TMCC1: variants seen among roughly 807,000 people sequenced by gnomAD.
TMCC1 encodes transmembrane and coiled-coil domain family 1.
Under a neutral mutation model 52.4 loss-of-function variants are expected in TMCC1, and 15 were observed. The ratio of observed to expected loss-of-function variants is 0.29; its 90% CI spans 0.19 to 0.44. TMCC1 has a LOEUF of 0.44. Among genes scored for constraint, TMCC1 ranks in the 20% least tolerant of loss-of-function variants. The pLI is 1.00. For synonymous variants in TMCC1, 279 were observed against 301.9 expected (o/e 0.92, Z 0.79); for missense variants, 503 against 806.0 (o/e 0.62, Z 4.55).
Position 129,812,178 on chromosome 3 carries a change from C to T in TMCC1, c.576+15625G>A, listed in dbSNP as rs182083287. Among the ~76,000 whole-genome samples the T allele has an allele frequency of 4.6e-5, 7 of 151,688 alleles. No homozygotes were observed. The East Asian group carries it at 1.4e-3, about 29-fold the overall frequency. On this transcript the variant is annotated intron_variant, in intron 4 of 6. Transcript: ENST00000393238. ...CCAACACAGTGAAACTCCATCTCTG[C>T]TAAATATGCAAAAATTAGCTAGATG...
At chr3:129,838,569 A>G (rs2059271696) in intron 2 of TMCC1, among the ~76,000 whole-genome samples, 1 of 151,998 alleles carries the variant, frequency 6.6e-6, no homozygotes, top group African/African-American at 2.4e-5. Context: ...CCTGACCAAC[A>G]GGGTGAAACC....
At chr3:129,797,982 G>A (rs2056945736) in intron 4 of TMCC1, among the ~76,000 whole-genome samples, 1 of 126,206 alleles carries the variant, frequency 7.9e-6, no homozygotes, top group Non-Finnish European at 1.6e-5. Flanking sequence ...CCCGAGTTGT[G>A]TGCCTTTTTT....
chr3:129,651,837 A>G lies in TMCC1; in HGVS notation c.1648-42T>C, dbSNP rs201070667. ...GGAAGAGTTAAGCCTTCTGCTCACAAGTATTCTGAGATGCTGACATGCCCC... is the reference window on the plus strand; with the variant it reads ...GGAAGAGTTAAGCCTTCTGCTCACAGGTATTCTGAGATGCTGACATGCCCC... On this transcript the variant is annotated intron_variant, in intron 6 of 6. Coordinates refer to ENST00000393238, the MANE Select transcript of TMCC1 (RefSeq NM_001017395.5). The surrounding 1 kb of genome is among the most constrained non-coding windows in gnomAD (Gnocchi z 5.1). The G allele has an allele frequency of 2.7e-5, 43 of 1,574,560 alleles. No individual in the cohort carries two copies. In the East Asian group the frequency reaches 6.1e-4, roughly 22 times the overall value.
intron 4 of TMCC1, among the ~76,000 whole-genome samples, chr3:129,736,885 A>G (rs976030999): frequency 6.6e-6 from 1 of 151,948 alleles, no homozygotes; most frequent in Non-Finnish European, 1.5e-5. Context: ...AATATACTGG[A>G]AAAAAAACCA....
chr3:129,659,832 A>T (rs2108858612), intron 5 of TMCC1, among the ~76,000 whole-genome samples: 1 of 152,270 alleles, frequency 6.6e-6, no homozygotes. Flanking sequence ...CAGGTTTTGG[A>T]TTAAAATCCC....
intron 2 of TMCC1, among the ~76,000 whole-genome samples, chr3:129,843,517 TACCAATATCAGGAATG>T (rs200646918): frequency 1.3e-5 from 2 of 151,992 alleles, no homozygotes; most frequent in East Asian, 3.9e-4. Context: ...AGACATAAAT[TACCAATATCAGGAATG>T]AAGGAGAAAG....
chr3:129,666,753 AC>A (rs2087488738), intron 5 of TMCC1, among the ~76,000 whole-genome samples: 1 of 150,526 alleles, frequency 6.6e-6, no homozygotes, highest in African/African-American at 2.4e-5. Context: ...AAAACAAAGA[AC>A]AAAAAAACAA....
At chr3:129,731,022 G>C (rs962919862) in intron 4 of TMCC1, among the ~76,000 whole-genome samples, 1 of 152,190 alleles carries the variant, frequency 6.6e-6, no homozygotes, top group African/African-American at 2.4e-5. Context: ...GCATTATCCA[G>C]GAATTAAACC....
intron 2 of TMCC1, among the ~76,000 whole-genome samples, chr3:129,836,309 A>T (rs1308006590): frequency 6.6e-6 from 1 of 152,166 alleles, no homozygotes; most frequent in Non-Finnish European, 1.5e-5. Flanking sequence ...ACTCAAATAA[A>T]GGGAGAGGGT....
chr3:129,756,116 G>GA lies in TMCC1; in HGVS notation c.576+71686dup, dbSNP rs981964423. 1.3e-4 allele frequency among the ~76,000 whole-genome samples: 15 copies of GA among 118,058 alleles called. No individual in the cohort carries two copies. In the South Asian group the frequency reaches 4.6e-3, roughly 36 times the overall value. The allele number at this position is 118,058 out of a possible 152,430, so 77.5% of individuals were successfully genotyped here. On this transcript the variant is annotated intron_variant, in intron 4 of 6. Transcript: ENST00000393238. ...CCATCTCAAGAAAAAAAAAAAAAAA[G>GA]AAAAAAAAAGAAAGAAAAAAGAAAC...
At chr3:129,657,683 G>A (rs556779522) in intron 5 of TMCC1, among the ~76,000 whole-genome samples, 148 of 152,292 alleles carry the variant, frequency 9.7e-4, no homozygotes, top group African/African-American at 3.3e-3. Flanking sequence ...ATGGTTTGGA[G>A]TCTGATGTCA....
At chr3:129,805,110 T>C (rs2057389917) in intron 4 of TMCC1, among the ~76,000 whole-genome samples, 1 of 152,166 alleles carries the variant, frequency 6.6e-6, no homozygotes, top group Non-Finnish European at 1.5e-5. Context: ...CTTCACCATA[T>C]TAAAATTAAG....
intron 4 of TMCC1, among the ~76,000 whole-genome samples, chr3:129,676,352 C>T (rs1313261638): frequency 1.3e-5 from 2 of 152,202 alleles, no homozygotes; most frequent in African/African-American, 4.8e-5. Context: ...AGGCAATGCG[C>T]TAAAAAGCTA....
chr3:129,858,048 T>C (rs1201804764), intron 2 of TMCC1, among the ~76,000 whole-genome samples: 1 of 152,054 alleles, frequency 6.6e-6, no homozygotes, highest in Non-Finnish European at 1.5e-5. Flanking sequence ...GGTGTCCCTC[T>C]AAACAAAGGG....
chr3:129,751,624 G>A, intron 4 of TMCC1, among the ~76,000 whole-genome samples: 1 of 151,752 alleles, frequency 6.6e-6, no homozygotes, highest in Non-Finnish European at 1.5e-5. Flanking sequence ...GTGCAGTGGT[G>A]CAATCTTGGC....
intron 4 of TMCC1, among the ~76,000 whole-genome samples, chr3:129,711,826 T>TAAA (rs66986935): frequency 3.7e-4 from 44 of 118,688 alleles, no homozygotes; most frequent in Middle Eastern, 4.2e-3. Flanking sequence ...CCGTCTCTAC[T>TAAA]AAAAAAAAAA....
chr3:129,796,737 A>G (rs560766631), intron 4 of TMCC1, among the ~76,000 whole-genome samples: 2 of 152,288 alleles, frequency 1.3e-5, no homozygotes, highest in East Asian at 3.9e-4. Context: ...ACTACTTGGG[A>G]GACTGAGGTG....
rs141428688 is a variant in TMCC1, at chr3:129,826,711, T to TAAA, written c.576+1089_576+1091dup. Among the ~76,000 whole-genome samples, 7 of 144,036 alleles carry TAAA rather than the reference T, an allele frequency of 4.9e-5. No homozygotes were observed. In the East Asian group the frequency reaches 1.4e-3, roughly 29 times the overall value. 94.5% of individuals were successfully genotyped at this position (144,036 alleles called of 152,430 possible). A position where few individuals can be genotyped will look rare whatever the true frequency, so the allele number is the denominator to read the frequency against. On this transcript the variant is annotated intron_variant, in intron 4 of 6. Coordinates refer to ENST00000393238, the MANE Select transcript of TMCC1 (RefSeq NM_001017395.5). ...TATTTCCAGGTAACTTAATATCCAA[T>TAAA]AAAAAAAAAACCTTAGGAAAAGTTT...
At chr3:129,698,256 T>TA (rs1380063425) in intron 4 of TMCC1, among the ~76,000 whole-genome samples, 1 of 152,124 alleles carries the variant, frequency 6.6e-6, no homozygotes, top group East Asian at 1.9e-4. Context: ...AGGCACGTCT[T>TA]ACTTGGCGGC....
Sources: gnomAD v4.1 joint callset for allele counts (sites outside exome capture counted in the v4.1 genomes callset) on GRCh38, gnomAD v4.1.1 for gene constraint, Gnocchi (gnomAD v3.1) non-coding constraint, MANE v1.5 for transcripts, NCBI Gene and HGNC (gene_info 2026-07-23, HGNC 2026-07-21) for gene names.